The following TBC1D9 variants were observed in gnomAD, a reference collection of about 807,000 sequenced individuals.
TBC1D9 encodes TBC1 domain family member 9A.
A neutral mutation model predicts 132.0 loss-of-function variants in TBC1D9; 63 were observed. That is an observed-to-expected ratio of 0.48 (90% CI 0.39 to 0.59). The LOEUF is 0.59. TBC1D9 is among the 20% of genes least tolerant of loss of function. The pLI, the probability that TBC1D9 is intolerant of heterozygous loss-of-function variation, is 0.00. For missense variants in TBC1D9, 1,261 were observed against 1,592.7 expected (o/e 0.79, Z 3.54); for synonymous variants, 610 against 609.9 (o/e 1.00, Z 0.00).
At chr4:140,753,636 C>A (rs896811348) in intron 1 of TBC1D9, among the ~76,000 whole-genome samples, 2 of 152,144 alleles carry the variant, frequency 1.3e-5, no homozygotes, top group Non-Finnish European at 2.9e-5. Context: ...CTCTATTTTT[C>A]GAAGTTGTCT....
intron 1 of TBC1D9, among the ~76,000 whole-genome samples, chr4:140,755,346 C>A (rs772154508): frequency 6.6e-6 from 1 of 152,128 alleles, no homozygotes; most frequent in Non-Finnish European, 1.5e-5. Context: ...ATTTTTACAA[C>A]TAGAACCAGA....
intron 1 of TBC1D9, among the ~76,000 whole-genome samples, chr4:140,728,448 TAA>T (rs774669462): frequency 6.6e-6 from 1 of 152,130 alleles, no homozygotes; most frequent in Non-Finnish European, 1.5e-5. Flanking sequence ...TCAATTAATT[TAA>T]GTTAGCCATC....
intron 13 of TBC1D9, chr4:140,642,178 G>C: frequency 1.3e-6 from 1 of 768,002 alleles, no homozygotes; most frequent in East Asian, 2.5e-5. Flanking sequence ...GAAGGCATCA[G>C]TTTGGAGCTA....
intron 1 of TBC1D9, among the ~76,000 whole-genome samples, chr4:140,732,384 T>C (rs1331637571): frequency 6.6e-6 from 1 of 152,166 alleles, no homozygotes; most frequent in Admixed American, 6.6e-5. Flanking sequence ...CTTTGGGCAG[T>C]TGCAAAATAT....
chr4:140,672,365 A>G (rs1489856541), intron 6 of TBC1D9, among the ~76,000 whole-genome samples: 1 of 151,830 alleles, frequency 6.6e-6, no homozygotes, highest in African/African-American at 2.4e-5. Context: ...AGAGGGAAAT[A>G]CCTCCTTTTC....
At chr4:140,636,843 C>A (rs376485299) in intron 15 of TBC1D9, among the ~76,000 whole-genome samples, 1 of 152,164 alleles carries the variant, frequency 6.6e-6, no homozygotes, top group East Asian at 1.9e-4. Context: ...ATATTGGATT[C>A]TTTAGTAGAA....
At chr4:140,647,077 G>C (rs2110986319) in intron 13 of TBC1D9, among the ~76,000 whole-genome samples, 1 of 152,204 alleles carries the variant, frequency 6.6e-6, no homozygotes, top group Non-Finnish European at 1.5e-5. Context: ...ATGAAGAACT[G>C]GATTTATTAC....
In TBC1D9 at chr4:140,688,685, C is replaced by A. The variant is rs180883786; in HGVS notation, c.242-2223G>T. ...CCCTGTGGAGAGAGAGAGACTCCAA[C>A]ACAACAACAACAACAACCTTTACCC... On this transcript the variant is annotated intron_variant, in intron 2 of 20. Coordinates refer to ENST00000442267, the MANE Select transcript of TBC1D9 (RefSeq NM_015130.3). 1.3e-3 allele frequency among the ~76,000 whole-genome samples: 199 copies of A among 151,968 alleles called. 1 individual carries two copies. The highest frequency in any genetic ancestry group is 4.7e-3 in the African/African-American group (194 of 41,478).
intron 3 of TBC1D9, among the ~76,000 whole-genome samples, chr4:140,680,798 G>C (rs1344534413): frequency 1.3e-5 from 2 of 152,022 alleles, no homozygotes; most frequent in Non-Finnish European, 2.9e-5. Flanking sequence ...CTCATACCTA[G>C]AATTCCTGCT....
At chr4:140,712,447 A>AG (rs1738258779) in intron 1 of TBC1D9, among the ~76,000 whole-genome samples, 1 of 20,762 alleles carries the variant, frequency 4.8e-5, no homozygotes. Context: ...TTAAAAAAAA[A>AG]GAATATATAT....
At chr4:140,656,635 C>A (rs955213521) in intron 13 of TBC1D9, among the ~76,000 whole-genome samples, 1 of 152,188 alleles carries the variant, frequency 6.6e-6, no homozygotes, top group African/African-American at 2.4e-5. Flanking sequence ...TGCTAACTTG[C>A]CCATTGCATC....
chr4:140,729,647 G>A (rs902763351), intron 1 of TBC1D9, among the ~76,000 whole-genome samples: 13 of 151,910 alleles, frequency 8.6e-5, no homozygotes, highest in East Asian at 3.9e-4. Flanking sequence ...GTGAAACTCC[G>A]TCTCTACTAA....
intron 2 of TBC1D9, among the ~76,000 whole-genome samples, chr4:140,699,440 G>T (rs140605632): frequency 4.4e-4 from 67 of 152,272 alleles, no homozygotes; most frequent in African/African-American, 1.3e-3. Flanking sequence ...AAGGAGGCCC[G>T]CAGTCATAAA....
chr4:140,755,917 C>T lies in TBC1D9; in HGVS notation c.129G>A (p.Ala43=). Residue 43 remains alanine, a splice_region_variant and synonymous_variant, in exon 1 of 21, where the codon GCG becomes GCA. Transcript: ENST00000442267. ...AGDGGGGGGL[A]GLLVGTLDVV... is the part of the protein sequence containing the mutation. ...GCAGGGATCGGCCACGGTCCTTACC[C>T]GCCAGTCCGCCGCCGCCGCCTCCAT... 1 of 1,560,834 alleles carries T rather than the reference C, an allele frequency of 6.4e-7. No homozygotes were observed. The highest frequency in any genetic ancestry group is 1.2e-5 in the South Asian group (1 of 85,198).
At chr4:140,625,117 G>A (rs1480937639) in intron 18 of TBC1D9, among the ~76,000 whole-genome samples, 2 of 151,730 alleles carry the variant, frequency 1.3e-5, no homozygotes, top group African/African-American at 4.8e-5. Flanking sequence ...GGTAGTGCTT[G>A]CCCCAATGAA....
intron 3 of TBC1D9, among the ~76,000 whole-genome samples, chr4:140,680,373 A>G (rs896570497): frequency 6.6e-6 from 1 of 152,188 alleles, no homozygotes; most frequent in African/African-American, 2.4e-5. Flanking sequence ...TAGATATGAG[A>G]GCAAAAATTA....
At chr4:140,625,130 T>A (rs185141710) in intron 18 of TBC1D9, among the ~76,000 whole-genome samples, 2 of 152,302 alleles carry the variant, frequency 1.3e-5, no homozygotes, top group East Asian at 3.9e-4. Flanking sequence ...CCAATGAATG[T>A]TGATTTCTCT....
At chr4:140,683,044 G>A (rs13139178) in intron 3 of TBC1D9, among the ~76,000 whole-genome samples, 54,555 of 151,724 alleles carry the variant, frequency 0.36, 11,708 homozygotes, top group South Asian at 0.48. Flanking sequence ...GCACCACCAC[G>A]CCTGGCTAAT....
chr4:140,624,531 A>C, intron 18 of TBC1D9, 143 bp from the exon 19 acceptor site: 1 of 683,234 alleles, frequency 1.5e-6, no homozygotes, highest in Non-Finnish European at 2.4e-6. Context: ...ACTCCTCAAA[A>C]CAAAACAAAA....
Sources: allele counts gnomAD v4.1 joint callset (sites outside exome capture counted in the v4.1 genomes callset), GRCh38; gene constraint gnomAD v4.1.1; transcripts MANE v1.5; gene names NCBI Gene and HGNC (gene_info 2026-07-23, HGNC 2026-07-21).